Variants in RELN observed in about 807,000 individuals in gnomAD.
The protein encoded by RELN is reelin.
RELN carries 108 observed loss-of-function variants against 427.6 expected under a neutral mutation model. That is an observed-to-expected ratio of 0.25 (90% CI 0.22 to 0.30). RELN has a LOEUF of 0.30. Ranked by LOEUF, RELN falls within the 10% of genes least tolerant of loss-of-function variation. RELN has a pLI of 1.00. For synonymous variants in RELN, 1,524 were observed against 1,513.4 expected, an observed-to-expected ratio of 1.01 and a Z score of -0.16; for missense variants, 3,715 against 4,302.8, an observed-to-expected ratio of 0.86 and a Z score of 3.82.
At chr7:103,850,388 G>C (rs937960092) in intron 2 of RELN, among the ~76,000 whole-genome samples, 3 of 152,190 alleles carry the variant, frequency 2.0e-5, no homozygotes, top group African/African-American at 7.2e-5. Flanking sequence ...GCTGAGTCAA[G>C]TTAAAATGCC....
At chr7:103,763,766 C>T (rs531648084) in intron 4 of RELN, among the ~76,000 whole-genome samples, 1 of 151,892 alleles carries the variant, frequency 6.6e-6, no homozygotes, top group Non-Finnish European at 1.5e-5. Context: ...GTGGAGATGA[C>T]GTTGGAGAGA....
intron 58 of RELN, among the ~76,000 whole-genome samples, chr7:103,491,656 C>T (rs981742424): frequency 4.0e-5 from 6 of 151,778 alleles, no homozygotes; most frequent in Non-Finnish European, 5.9e-5. Flanking sequence ...ATGGAGAAAC[C>T]CCGTCTCTAC....
intron 20 of RELN, among the ~76,000 whole-genome samples, chr7:103,622,223 C>T (rs912464240): frequency 6.6e-6 from 1 of 152,180 alleles, no homozygotes; most frequent in Non-Finnish European, 1.5e-5. Context: ...AAATACATGA[C>T]TTAAAAATTA....
intron 4 of RELN, among the ~76,000 whole-genome samples, chr7:103,754,953 A>G (rs912301233): frequency 2.6e-5 from 4 of 152,138 alleles, no homozygotes; most frequent in African/African-American, 4.8e-5. Context: ...ATCCTAATAA[A>G]GCTGATATCT....
intron 3 of RELN, among the ~76,000 whole-genome samples, chr7:103,829,081 T>C (rs1793212201): frequency 6.6e-6 from 1 of 151,988 alleles, no homozygotes; most frequent in Admixed American, 6.6e-5. Flanking sequence ...AGTTTCCTCA[T>C]CTGCAAACTG....
chr7:103,796,542 G>A (rs1382331591), intron 3 of RELN, among the ~76,000 whole-genome samples: 1 of 152,140 alleles, frequency 6.6e-6, no homozygotes, highest in Non-Finnish European at 1.5e-5. Context: ...ACCAAAGAGA[G>A]AAATAGTCAA....
intron 6 of RELN, among the ~76,000 whole-genome samples, chr7:103,745,748 T>C (rs1024092024): frequency 9.9e-4 from 149 of 150,808 alleles, no homozygotes; most frequent in African/African-American, 3.5e-3. Flanking sequence ...TACAAACCAC[T>C]GCTCAAGGAA....
chr7:103,735,615 C>T (rs1790472150), intron 6 of RELN, among the ~76,000 whole-genome samples: 1 of 152,132 alleles, frequency 6.6e-6, no homozygotes, highest in Non-Finnish European at 1.5e-5. Context: ...ATTGTTTTCT[C>T]AAGAGCAGTC....
At chr7:103,958,778 G>GAA (rs148554894) in intron 1 of RELN, among the ~76,000 whole-genome samples, 25 of 149,556 alleles carry the variant, frequency 1.7e-4, no homozygotes, top group African/African-American at 5.9e-4. Flanking sequence ...AAATCTGCAA[G>GAA]AAAAAAAAAA....
At position 103,869,516 on chromosome 7, in the gene RELN, G is replaced by C. The variant is rs115611808; in HGVS notation, c.338-35844C>G. Among the ~76,000 whole-genome samples the C allele has an allele frequency of 6.5e-3, 994 of 152,120 alleles. 9 individuals carry two copies. The highest frequency in any genetic ancestry group is 0.022 in the African/African-American group (901 of 41,532). ...TGTAATTTTTATTTTGAGGATATTAGTATATTTATGATGCATATAGTGTTC... is the reference window on the plus strand; with the variant it reads ...TGTAATTTTTATTTTGAGGATATTACTATATTTATGATGCATATAGTGTTC... On this transcript the variant is annotated intron_variant, in intron 2 of 64. Coordinates refer to ENST00000428762, the MANE Select transcript of RELN (RefSeq NM_005045.4).
rs765323547 is a variant in RELN, at chr7:103,515,155, G to C, written c.8119+30C>G. On this transcript the variant is annotated intron_variant, in intron 50 of 64. Transcript: ENST00000428762. ...ATCCAAACCACTGCATTTCCACTGG[G>C]CTTTTTATTTAGCGCTGTGCATAAT... 1.5e-5 allele frequency: 25 copies of C among 1,613,930 alleles called. No homozygotes were observed. In the South Asian group the frequency reaches 2.5e-4, roughly 16 times the overall value.
intron 3 of RELN, among the ~76,000 whole-genome samples, chr7:103,807,471 T>C (rs1792627939): frequency 6.6e-6 from 1 of 152,116 alleles, no homozygotes; most frequent in African/African-American, 2.4e-5. Context: ...TTTTCAACTT[T>C]TAGTTTAGGT....
rs191239596 is a variant in RELN, at chr7:103,491,598, G to A, written c.9443+355C>T. Among the ~76,000 whole-genome samples, 4 of 152,194 alleles carry A rather than the reference G, an allele frequency of 2.6e-5. No homozygotes were observed. In the East Asian group the frequency reaches 7.7e-4, roughly 29 times the overall value. ...AATTCCCAGCACTTTGGGAGGCAGAGGCAGGCGGATCACCTGAGGTCGGGA... is the reference window on the plus strand; with the variant it reads ...AATTCCCAGCACTTTGGGAGGCAGAAGCAGGCGGATCACCTGAGGTCGGGA... On this transcript the variant is annotated intron_variant, in intron 58 of 64. Transcript: ENST00000428762.
chr7:103,539,084 A>T lies in RELN; in HGVS notation c.7174T>A (p.Cys2392Ser), dbSNP rs369274683. ...FAASCSVTDS[C>S]YAIELEYSVD... The stretch of plus-strand genomic sequence containing the variant: ...CTGGAGACGGCATACTCACCATAAC[A>T]AGAGTCTGTGACTGAGCAGGAGGCA... Residue 2392 changes from cysteine to serine, a missense_variant, in exon 45 of 65, where the codon TGT becomes AGT. By Grantham distance (112) the Cys-to-Ser change is moderately radical (BLOSUM62 -1). This residue lies in a region of RELN where 1,310 missense variants were observed against 1,643.0 expected (regional missense o/e 0.80). Transcript: ENST00000428762. 1 of 1,614,008 alleles carries T rather than the reference A, an allele frequency of 6.2e-7. No individual in the cohort carries two copies.
intron 59 of RELN, among the ~76,000 whole-genome samples, chr7:103,490,178 G>C (rs946990671): frequency 6.6e-6 from 1 of 152,152 alleles, no homozygotes; most frequent in African/African-American, 2.4e-5. Flanking sequence ...TCCTACACAG[G>C]TGTATCGTTT....
chr7:103,698,120 T>A (rs1834017391), intron 9 of RELN, 27 bp from the exon 10 acceptor site: 1 of 1,613,324 alleles, frequency 6.2e-7, no homozygotes, highest in Non-Finnish European at 8.5e-7. Flanking sequence ...GATGGCAAGT[T>A]TAGCAATGCT....
intron 3 of RELN, among the ~76,000 whole-genome samples, chr7:103,803,224 G>A (rs1263415368): frequency 6.6e-6 from 1 of 152,010 alleles, no homozygotes; most frequent in East Asian, 1.9e-4. Flanking sequence ...ATTTACGATT[G>A]CTGCGTCTTC....
rs1451941086 is a variant in RELN, at chr7:103,553,776, T to C, written c.5853A>G (p.Val1951=). Residue 1951 remains valine, a synonymous_variant, in exon 39 of 65, where the codon GTA becomes GTG. Transcript: ENST00000428762. The part of the protein sequence containing the change: ...VDDFIIDGNN[V]NNPVMLLDTF... ...TATCCAAGAGCATCACAGGGTTGTT[T>C]ACATTATTTCCATCGATAATGAAGT... is the stretch of plus-strand genomic sequence containing the variant. 1.9e-6 allele frequency: 3 copies of C among 1,614,114 alleles called. No homozygotes were observed. The highest frequency in any genetic ancestry group is 2.5e-6 in the Non-Finnish European group (3 of 1,179,970).
Position 103,522,113 on chromosome 7 carries a change from G to A in RELN, c.7577C>T (p.Pro2526Leu), listed in dbSNP as rs1829721999. Residue 2526 changes from proline (P) to leucine (L), a missense_variant, in exon 48 of 65, where the codon CCA becomes CTA. By Grantham distance (98) the Pro-to-Leu change is moderately conservative. Transcript: ENST00000428762. ...CACAGTCAGCCAGTTCTGACTGGAT[G>A]GAGCTCGATTGAAGTTGTCTTTGAG... is the stretch of plus-strand genomic sequence containing the variant. ...TQLKDNFNRA[P>L]SSQNWLTVNG... The A allele has an allele frequency of 6.2e-7, 1 of 1,614,088 alleles. No homozygotes were observed. The highest frequency in any genetic ancestry group is 8.5e-7 in the Non-Finnish European group (1 of 1,180,010).
Sources: allele counts gnomAD v4.1 joint callset (sites outside exome capture counted in the v4.1 genomes callset), GRCh38; gene constraint gnomAD v4.1.1; regional missense constraint gnomAD v4.1.1; transcripts MANE v1.5; gene names NCBI Gene and HGNC (gene_info 2026-07-23, HGNC 2026-07-21).